FGF14: variants seen among roughly 807,000 people sequenced by gnomAD.
FGF14 encodes fibroblast growth factor homologous factor 4.
In FGF14, 5 loss-of-function variants were observed where a neutral mutation model predicts 25.5. The ratio of observed to expected loss-of-function variants is 0.20; its 90% CI spans 0.10 to 0.41. The LOEUF (loss-of-function observed/expected upper bound fraction) is 0.41. Ranked by LOEUF, FGF14 falls within the 10% of genes least tolerant of loss-of-function variation. The probability of loss-of-function intolerance (pLI) is 1.00; values close to 1 mark genes in which losing one functional copy is unlikely to be tolerated. For missense variants in FGF14, 222 were observed against 320.1 expected, an observed-to-expected ratio of 0.69 and a Z score of 2.34; for synonymous variants, 138 against 118.3, an observed-to-expected ratio of 1.17 and a Z score of -1.08.
chr13:102,111,660 G>A (rs1595311151), intron 1 of FGF14, among the ~76,000 whole-genome samples: 2 of 151,328 alleles, frequency 1.3e-5, no homozygotes, highest in East Asian at 3.9e-4. Flanking sequence ...AGGCTGCAGT[G>A]AGCCAAGACT....
intron 4 of FGF14, among the ~76,000 whole-genome samples, chr13:101,724,100 A>C (rs1396085490): frequency 6.6e-6 from 1 of 152,078 alleles, no homozygotes; most frequent in Non-Finnish European, 1.5e-5. Flanking sequence ...AAAGGAACTA[A>C]TGCGTATCCT....
chr13:102,208,394 T>C (rs1164047138), intron 1 of FGF14, among the ~76,000 whole-genome samples: 8 of 152,330 alleles, frequency 5.3e-5, no homozygotes, highest in African/African-American at 1.4e-4. Context: ...CACAGCATCA[T>C]GCTTCCATAA....
chr13:101,832,791 T>C (rs866013188), intron 3 of FGF14, among the ~76,000 whole-genome samples: 3 of 151,998 alleles, frequency 2.0e-5, no homozygotes, highest in African/African-American at 7.2e-5. Context: ...GACATAAGAA[T>C]TCTCGAGAAA....
At position 101,712,354 on chromosome 13, in the gene FGF14, G is replaced by T. The variant is rs1457278328; in HGVS notation, c.*10477C>A. On this transcript the variant is annotated 3_prime_UTR_variant, in exon 5 of 5. Coordinates refer to ENST00000376143, the MANE Select transcript of FGF14 (RefSeq NM_004115.4). ...CAGAACTGGAATTTACTCATCAAAT[G>T]TTCTATCCATATATGCCATATTAGC... The T allele has an allele frequency of 1.3e-5, 2 of 152,112 alleles. No individual in the cohort carries two copies. The highest frequency in any genetic ancestry group is 2.9e-5 in the Non-Finnish European group (2 of 68,034). 9.4% of individuals were successfully genotyped at this position (152,112 alleles called of 1,614,324 possible). A position where few individuals can be genotyped will look rare whatever the true frequency, so the allele number is the denominator to read the frequency against.
intron 3 of FGF14, among the ~76,000 whole-genome samples, chr13:101,743,641 A>G (rs1048662106): frequency 6.6e-6 from 1 of 152,186 alleles, no homozygotes; most frequent in African/African-American, 2.4e-5. Flanking sequence ...CAGTGATAGA[A>G]TGTTCAGATA....
intron 3 of FGF14, among the ~76,000 whole-genome samples, chr13:101,820,557 T>G (rs2042063496): frequency 6.6e-6 from 1 of 152,188 alleles, no homozygotes; most frequent in Non-Finnish European, 1.5e-5. Context: ...ATCATGTTTC[T>G]CATATAAAAG....
chr13:102,399,188 T>G (rs768810178), intron 1 of FGF14, among the ~76,000 whole-genome samples: 3 of 152,032 alleles, frequency 2.0e-5, no homozygotes, highest in African/African-American at 7.2e-5. Flanking sequence ...TTGTGACTCG[T>G]GTATAGGGAG....
intron 1 of FGF14, among the ~76,000 whole-genome samples, chr13:102,374,757 C>T (rs1188770112): frequency 7.5e-6 from 1 of 132,914 alleles, no homozygotes; most frequent in African/African-American, 2.7e-5. Flanking sequence ...AAAGGAATTA[C>T]GTTATACAAA....
intron 1 of FGF14, among the ~76,000 whole-genome samples, chr13:102,360,840 T>C (rs1330680284): frequency 6.6e-6 from 1 of 152,030 alleles, no homozygotes; most frequent in Admixed American, 6.6e-5. Flanking sequence ...TACTCCATTC[T>C]AAACACTGGA....
chr13:102,385,377 G>A (rs879404978), intron 1 of FGF14, among the ~76,000 whole-genome samples: 9 of 152,248 alleles, frequency 5.9e-5, no homozygotes, highest in Admixed American at 5.9e-4. Context: ...ATGAGAAGAA[G>A]TGAGTAATAG....
At chr13:102,008,744 T>A (rs1271716467) in intron 1 of FGF14, among the ~76,000 whole-genome samples, 1 of 152,230 alleles carries the variant, frequency 6.6e-6, no homozygotes, top group African/African-American at 2.4e-5. Context: ...CTCTTGAACT[T>A]GTTACGGGAA....
chr13:102,037,777 TG>T (rs910044276), intron 1 of FGF14, among the ~76,000 whole-genome samples: 4 of 152,146 alleles, frequency 2.6e-5, no homozygotes, highest in Non-Finnish European at 5.9e-5. Flanking sequence ...AGTATCCAAG[TG>T]GATTGAGCCT....
At chr13:102,068,555 C>T (rs767964500) in intron 1 of FGF14, among the ~76,000 whole-genome samples, 1 of 152,178 alleles carries the variant, frequency 6.6e-6, no homozygotes, top group Non-Finnish European at 1.5e-5. Flanking sequence ...GCTTGGCGGG[C>T]CTGCACTCGG....
intron 1 of FGF14, among the ~76,000 whole-genome samples, chr13:101,876,226 T>A (rs894975008): frequency 6.6e-6 from 1 of 152,146 alleles, no homozygotes; most frequent in Non-Finnish European, 1.5e-5. Context: ...AAAACAAATA[T>A]TTGCATGTGG....
chr13:102,136,416 G>A (rs2046412185), intron 1 of FGF14, among the ~76,000 whole-genome samples: 1 of 152,118 alleles, frequency 6.6e-6, no homozygotes, highest in African/African-American at 2.4e-5. Context: ...ACTGGACTCA[G>A]GTAGTCTTAT....
intron 1 of FGF14, among the ~76,000 whole-genome samples, chr13:101,953,369 A>AC (rs1016420616): frequency 1.3e-4 from 20 of 152,046 alleles, no homozygotes; most frequent in Non-Finnish European, 2.5e-4. Context: ...TGAGTGTTTA[A>AC]CCCAGCAGGG....
intron 1 of FGF14, among the ~76,000 whole-genome samples, chr13:102,076,422 T>C (rs777495454): frequency 3.3e-5 from 5 of 152,184 alleles, no homozygotes; most frequent in African/African-American, 4.8e-5. Flanking sequence ...ATAGCGAAGG[T>C]GTATGGTAGG....
intron 1 of FGF14, among the ~76,000 whole-genome samples, chr13:102,069,891 T>G (rs1180503346): frequency 6.6e-6 from 1 of 152,186 alleles, no homozygotes; most frequent in Admixed American, 6.5e-5. Flanking sequence ...GTGGATCACC[T>G]GGCGGGTGGA....
chr13:101,788,959 G>GAC (rs1368112363), intron 3 of FGF14, among the ~76,000 whole-genome samples: 36 of 32,922 alleles, frequency 1.1e-3, no homozygotes, highest in African/African-American at 2.3e-3. Flanking sequence ...CAGAGAGAGA[G>GAC]AGAGAGAGAG....
Sources: gnomAD v4.1 joint callset for allele counts (sites outside exome capture counted in the v4.1 genomes callset) on GRCh38, gnomAD v4.1.1 for gene constraint, MANE v1.5 for transcripts, NCBI Gene and HGNC (gene_info 2026-07-23, HGNC 2026-07-21) for gene names.